RPL24: variants seen among roughly 807,000 people sequenced by gnomAD.
RPL24 encodes the protein ribosomal protein L24.
RPL24 carries 7 observed loss-of-function variants against 26.4 expected under a neutral mutation model. The observed-to-expected ratio is 0.27, with a 90% CI of 0.15 to 0.50. The LOEUF is 0.50. RPL24 is among the 20% of genes least tolerant of loss of function. The pLI is 0.98. For synonymous variants in RPL24, 67 were observed against 65.2 expected (o/e 1.03, Z -0.13); for missense variants, 109 against 194.9 (o/e 0.56, Z 2.62).
intron 1 of RPL24, 31 bp from the exon 2 acceptor site, chr3:101,686,588 G>C: frequency 6.2e-7 from 1 of 1,614,056 alleles, no homozygotes; most frequent in Non-Finnish European, 8.5e-7. Context: ...CCATCAGGGA[G>C]GGTGTCTACA....
intron 5 of RPL24, chr3:101,682,159 C>T: frequency 2.7e-6 from 1 of 370,870 alleles, no homozygotes; most frequent in East Asian, 5.7e-5. Flanking sequence ...CAAGACCAGC[C>T]TGTCCGACAT....
intron 5 of RPL24, chr3:101,682,015 C>T (rs1937269472): frequency 5.6e-6 from 1 of 177,714 alleles, no homozygotes; most frequent in Non-Finnish European, 1.2e-5. Flanking sequence ...GCATTCAATA[C>T]CTTAAAACTG....
intron 5 of RPL24, chr3:101,681,768 G>A (rs1277690226): frequency 1.9e-5 from 3 of 154,862 alleles, no homozygotes; most frequent in Admixed American, 6.4e-5. Flanking sequence ...TTGAGCCCAG[G>A]AGGTTGAGGC....
chr3:101,685,175 GTT>G (rs71625595), intron 3 of RPL24, among the ~76,000 whole-genome samples: 2 of 145,356 alleles, frequency 1.4e-5, no homozygotes, highest in East Asian at 4.0e-4. Flanking sequence ...TGTAATTCCT[GTT>G]TTTTTTTTTC....
At chr3:101,683,711 T>TC (rs1416652637) in intron 3 of RPL24, among the ~76,000 whole-genome samples, 96 of 149,694 alleles carry the variant, frequency 6.4e-4, no homozygotes, top group African/African-American at 1.7e-3. Flanking sequence ...TCTTTTCTTT[T>TC]TTTTTTTTTT....
chr3:101,685,720 A>C, intron 3 of RPL24, 98 bp downstream of exon 3: 1 of 636,096 alleles, frequency 1.6e-6, no homozygotes, highest in Non-Finnish European at 2.8e-6. Flanking sequence ...GCTCTTTCGC[A>C]TACAGTCTGA....
chr3:101,681,291 G>T, intron 5 of RPL24, 76 bp from the exon 6 acceptor site: 2 of 979,418 alleles, frequency 2.0e-6, no homozygotes, highest in Non-Finnish European at 3.3e-6. Flanking sequence ...CATCCAGATT[G>T]TTTATGTAGC....
intron 4 of RPL24, 60 bp from the exon 5 acceptor site, chr3:101,682,552 ATTAGAG>A (rs1937277169): frequency 4.3e-6 from 6 of 1,392,740 alleles, no homozygotes; most frequent in Admixed American, 3.6e-5. Flanking sequence ...ACAACTTATT[ATTAGAG>A]TTAGACTGTA....
intron 4 of RPL24, 23 bp downstream of exon 4, chr3:101,682,748 C>T (rs1937279472): frequency 6.2e-7 from 1 of 1,609,020 alleles, no homozygotes; most frequent in East Asian, 2.2e-5. Context: ...AGGTAAAATG[C>T]TCATAATGAA....
At chr3:101,686,295 G>A in intron 2 of RPL24, 187 bp downstream of exon 2, 1 of 599,794 alleles carries the variant, frequency 1.7e-6, no homozygotes. Flanking sequence ...GTCCGACCTG[G>A]CTCACAATAA....
chr3:101,684,790 A>C (rs1330834803), intron 3 of RPL24, among the ~76,000 whole-genome samples: 10 of 141,962 alleles, frequency 7.0e-5, no homozygotes, highest in South Asian at 2.3e-4. Flanking sequence ...AAAAAAAAAA[A>C]AAAAAAAAAA....
At chr3:101,682,993 A>G in intron 3 of RPL24, 86 bp from the exon 4 acceptor site, 1 of 1,197,180 alleles carries the variant, frequency 8.4e-7, no homozygotes, top group Non-Finnish European at 1.2e-6. Flanking sequence ...AAGACAGGGC[A>G]AATGAAGTAT....
At position 101,683,725 on chromosome 3, in the gene RPL24, T is replaced by A. The variant is rs899104943; in HGVS notation, c.193-818A>T. Among the ~76,000 whole-genome samples the A allele has an allele frequency of 8.0e-5, 12 of 150,544 alleles. No individual in the cohort carries two copies. The South Asian group carries it at 8.4e-4, about 11-fold the overall frequency. On this transcript the variant is annotated intron_variant, in intron 3 of 5. Coordinates refer to ENST00000394077, the MANE Select transcript of RPL24 (RefSeq NM_000986.4). The stretch of plus-strand genomic sequence containing the variant: ...TTCTTTTCTTTTTTTTTTTTTTTTT[T>A]AAAGACTCAGCCTTGCTCTGTTGCC...
chr3:101,684,855 TCACCATTATCCATCTAAATAAC>T (rs1937315371), intron 3 of RPL24, among the ~76,000 whole-genome samples: 1 of 137,242 alleles, frequency 7.3e-6, no homozygotes. Context: ...TGTGTAGCTA[TCACCATTATCCATCTAAATAAC>T]TTTTTTTTTT....
intron 3 of RPL24, among the ~76,000 whole-genome samples, chr3:101,683,643 A>T (rs1262530249): frequency 6.6e-6 from 1 of 152,092 alleles, no homozygotes; most frequent in East Asian, 1.9e-4. Flanking sequence ...ACGAACACTT[A>T]AACATTTTTT....
Position 101,682,236 on chromosome 3 carries a change from C to T in RPL24, c.393+193G>A, listed in dbSNP as rs866183654. On this transcript the variant is annotated intron_variant, in intron 5 of 5. Coordinates refer to ENST00000394077, the MANE Select transcript of RPL24 (RefSeq NM_000986.4). ...AAAAAATCAGCCGGGCGTGATGGCG[C>T]GCACCTGTACTCCCAGCTACTCGGG... 73 of 574,062 alleles carry T rather than the reference C, an allele frequency of 1.3e-4. 1 individual carries two copies. The highest frequency in any genetic ancestry group is 5.0e-4 in the South Asian group (24 of 48,208). The allele number at this position is 574,062 out of a possible 1,614,324, so 35.6% of individuals were successfully genotyped here.
chr3:101,684,821 T>G (rs1165616415), intron 3 of RPL24, among the ~76,000 whole-genome samples: 17 of 104,988 alleles, frequency 1.6e-4, no homozygotes, highest in East Asian at 3.4e-4. Flanking sequence ...AAAGGTATAG[T>G]GGCCTTATGT....
rs750616622 is a variant in RPL24 at position 101,682,365 on chromosome 3, C to T, written c.393+64G>A. The T allele has an allele frequency of 1.9e-5, 24 of 1,289,790 alleles. No homozygotes were observed. In the South Asian group the frequency reaches 1.9e-4, roughly 10 times the overall value. The allele number at this position is 1,289,790 out of a possible 1,614,324, so 79.9% of individuals were successfully genotyped here. On this transcript the variant is annotated intron_variant, in intron 5 of 5. Transcript: ENST00000394077. Reference sequence around the variant, plus strand: ...CATCCTGGGCAACAGAGCAAGACTCCGTCTCAAAAAAAGAAAATTTTCCTG... The same window carrying T: ...CATCCTGGGCAACAGAGCAAGACTCTGTCTCAAAAAAAGAAAATTTTCCTG...
At chr3:101,684,390 G>A (rs1273743485) in intron 3 of RPL24, among the ~76,000 whole-genome samples, 1 of 151,728 alleles carries the variant, frequency 6.6e-6, no homozygotes, top group African/African-American at 2.4e-5. Context: ...GGCTGTTCTT[G>A]AACTCCTGAC....
Sources: allele counts gnomAD v4.1 joint callset (sites outside exome capture counted in the v4.1 genomes callset), GRCh38; gene constraint gnomAD v4.1.1; transcripts MANE v1.5; gene names NCBI Gene and HGNC (gene_info 2026-07-23, HGNC 2026-07-21).